CPNE4: variants seen among roughly 807,000 people sequenced by gnomAD.
CPNE4 encodes the protein copine-4.
A neutral mutation model predicts 67.9 loss-of-function variants in CPNE4; 25 were observed. That is an observed-to-expected ratio of 0.37 (90% CI 0.27 to 0.51). The LOEUF (loss-of-function observed/expected upper bound fraction) is 0.51. Ranked by LOEUF, CPNE4 falls within the 20% of genes least tolerant of loss-of-function variation. CPNE4 has a pLI of 0.93. For synonymous variants in CPNE4, 242 were observed against 244.9 expected, an observed-to-expected ratio of 0.99 and a Z score of 0.11; for missense variants, 464 against 690.8, an observed-to-expected ratio of 0.67 and a Z score of 3.68.
At chr3:131,843,100 T>C (rs771464790) in intron 2 of CPNE4, among the ~76,000 whole-genome samples, 27 of 152,174 alleles carry the variant, frequency 1.8e-4, no homozygotes, top group Non-Finnish European at 1.6e-4. Flanking sequence ...AACCCAACGA[T>C]TTTCATCACA....
intron 9 of CPNE4, among the ~76,000 whole-genome samples, chr3:131,576,755 C>T (rs929339673): frequency 6.6e-6 from 1 of 151,710 alleles, no homozygotes; most frequent in African/African-American, 2.4e-5. Context: ...GTGGGCAAGG[C>T]AGGGTAAGCA....
chr3:131,877,268 C>T (rs4339144), intron 2 of CPNE4, among the ~76,000 whole-genome samples: 96,297 of 151,896 alleles, frequency 0.63, 30,750 homozygotes, highest in Admixed American at 0.73. Flanking sequence ...CCTAAAATGT[C>T]GATACATTTG....
At chr3:132,029,176 G>A (rs1017912742) in intron 1 of CPNE4, among the ~76,000 whole-genome samples, 1 of 152,112 alleles carries the variant, frequency 6.6e-6, no homozygotes, top group African/African-American at 2.4e-5. Context: ...ACAGGCCCAA[G>A]TGTAAGGAAA....
chr3:131,651,363 A>T (rs996086491), intron 7 of CPNE4, among the ~76,000 whole-genome samples: 7 of 152,230 alleles, frequency 4.6e-5, no homozygotes, highest in Non-Finnish European at 8.8e-5. Flanking sequence ...GGGTGATATT[A>T]AATCTCAGGA....
chr3:131,555,200 T>C (rs1936396301), intron 12 of CPNE4, among the ~76,000 whole-genome samples: 1 of 152,030 alleles, frequency 6.6e-6, no homozygotes, highest in Non-Finnish European at 1.5e-5. Flanking sequence ...TCTGAGCCCC[T>C]GGAGATCAAC....
intron 6 of CPNE4, among the ~76,000 whole-genome samples, chr3:131,677,606 C>G (rs2107667460): frequency 6.6e-6 from 1 of 151,970 alleles, no homozygotes; most frequent in South Asian, 2.1e-4. Context: ...GTTAATTTTT[C>G]TTTATGGTGT....
chr3:131,613,072 T>C (rs1244445790), intron 7 of CPNE4, among the ~76,000 whole-genome samples: 1 of 152,222 alleles, frequency 6.6e-6, no homozygotes, highest in Admixed American at 6.5e-5. Flanking sequence ...TTGTCACAGC[T>C]TGGCCACAGA....
At position 131,992,832 on chromosome 3, in the gene CPNE4, C is replaced by T. The variant is rs548802128; in HGVS notation, c.-2+41735G>A. On this transcript the variant is annotated intron_variant, in intron 1 of 15. Transcript: ENST00000429747. ...TCTAGTGATAGTGAGTGAGTTCTCA[C>T]GAGATCTAAGGGCTTTATAAGAGGC... is the stretch of plus-strand genomic sequence containing the variant. 2.1e-4 allele frequency among the ~76,000 whole-genome samples: 28 copies of T among 135,768 alleles called. 5 individuals carry two copies. Among genetic ancestry groups the T allele is most frequent in the African/African-American group, 3.4e-4 (14 of 40,696 alleles). The allele number at this position is 135,768 out of a possible 152,430, so 89.1% of individuals were successfully genotyped here.
intron 5 of CPNE4, among the ~76,000 whole-genome samples, chr3:131,691,712 A>T (rs901140982): frequency 4.6e-5 from 7 of 150,944 alleles, no homozygotes; most frequent in African/African-American, 9.8e-5. Flanking sequence ...TTGAAATATT[A>T]AAAAAAAAGT....
intron 6 of CPNE4, among the ~76,000 whole-genome samples, chr3:131,671,505 C>T (rs139961220): frequency 1.3e-3 from 191 of 151,336 alleles, no homozygotes; most frequent in African/African-American, 4.5e-3. Context: ...AGGCTACCCA[C>T]AAGTGAGCAG....
chr3:131,900,008 C>A (rs1235114374), intron 2 of CPNE4, among the ~76,000 whole-genome samples: 1 of 151,978 alleles, frequency 6.6e-6, no homozygotes, highest in Non-Finnish European at 1.5e-5. Flanking sequence ...GTGCTGCTAA[C>A]AGGGATGCTA....
Position 131,801,452 on chromosome 3 carries a change from GTA to G in CPNE4, c.181-77829_181-77828del, listed in dbSNP as rs71136416. Reference sequence around the variant, plus strand: ...TGTGTGTGTGTGTGTGTGTGTGTGTGTATATATATATATATATATATATATAA... The same window carrying G: ...TGTGTGTGTGTGTGTGTGTGTGTGTGTATATATATATATATATATATATAA... On this transcript the variant is annotated intron_variant, in intron 2 of 15. Coordinates refer to ENST00000429747, the MANE Select transcript of CPNE4 (RefSeq NM_130808.3). Among the ~76,000 whole-genome samples the G allele has an allele frequency of 9.7e-3, 517 of 53,290 alleles. 11 individuals are homozygous for G. The highest frequency in any genetic ancestry group is 0.023 in the African/African-American group (296 of 12,746). 35.0% of individuals were successfully genotyped at this position (53,290 alleles called of 152,430 possible).
At chr3:131,601,977 C>A (rs553133470) in intron 7 of CPNE4, among the ~76,000 whole-genome samples, 1 of 149,064 alleles carries the variant, frequency 6.7e-6, no homozygotes, top group Admixed American at 6.7e-5. Context: ...TCTGTTAAAA[C>A]ACTAATTTGC....
chr3:131,561,889 A>G (rs767209010), intron 11 of CPNE4, among the ~76,000 whole-genome samples: 1 of 152,038 alleles, frequency 6.6e-6, no homozygotes, highest in Non-Finnish European at 1.5e-5. Context: ...GCAGCTTGCA[A>G]TACACATTCT....
At chr3:131,626,810 C>T (rs558385300) in intron 7 of CPNE4, among the ~76,000 whole-genome samples, 2 of 152,306 alleles carry the variant, frequency 1.3e-5, no homozygotes, top group East Asian at 3.9e-4. Flanking sequence ...TGCCCGGCTT[C>T]AGATCTTTGA....
chr3:131,636,080 C>CAAAAAAAAAAAA (rs749734624), intron 7 of CPNE4, among the ~76,000 whole-genome samples: 10 of 52,856 alleles, frequency 1.9e-4, no homozygotes, highest in African/African-American at 1.9e-3. Context: ...GACTCCGTCT[C>CAAAAAAAAAAAA]AAAAAAAAAA....
At chr3:131,989,193 A>G (rs1317891470) in intron 1 of CPNE4, among the ~76,000 whole-genome samples, 2 of 152,262 alleles carry the variant, frequency 1.3e-5, no homozygotes, top group African/African-American at 2.4e-5. Flanking sequence ...GATAAGAAGC[A>G]GACCTGGATG....
intron 1 of CPNE4, among the ~76,000 whole-genome samples, chr3:131,913,811 C>T (rs755592411): frequency 2.6e-5 from 4 of 152,110 alleles, no homozygotes; most frequent in Non-Finnish European, 4.4e-5. Context: ...GAGTAAGTTA[C>T]TTGAATTCTC....
intron 7 of CPNE4, among the ~76,000 whole-genome samples, chr3:131,616,094 C>A (rs1293320254): frequency 6.6e-6 from 1 of 152,118 alleles, no homozygotes; most frequent in Non-Finnish European, 1.5e-5. Flanking sequence ...TAAGGACAAC[C>A]AAGCTGTACA....
Sources: allele counts gnomAD v4.1 joint callset (sites outside exome capture counted in the v4.1 genomes callset), GRCh38; gene constraint gnomAD v4.1.1; transcripts MANE v1.5; gene names NCBI Gene and HGNC (gene_info 2026-07-23, HGNC 2026-07-21).